The following ELK3 variants were observed in gnomAD, a reference collection of about 807,000 sequenced individuals.
The protein encoded by ELK3 is ETS transcription factor ELK3.
Under a neutral mutation model 28.9 loss-of-function variants are expected in ELK3, and 10 were observed. The observed-to-expected ratio is 0.35, with a 90% CI of 0.21 to 0.59. The LOEUF (loss-of-function observed/expected upper bound fraction) is 0.59, where lower values mean the gene tolerates loss of function less well. ELK3 is among the 20% of genes least tolerant of loss of function. ELK3 has a pLI of 0.82. For synonymous variants in ELK3, 272 were observed against 243.5 expected (o/e 1.12, Z -1.09); for missense variants, 463 against 517.3 (o/e 0.90, Z 1.02).
At chr12:96,214,882 C>T (rs556997056) in intron 1 of ELK3, among the ~76,000 whole-genome samples, 1 of 152,198 alleles carries the variant, frequency 6.6e-6, no homozygotes, top group African/African-American at 2.4e-5. Context: ...TGGCTACTAC[C>T]CTTTGTCTTA....
At chr12:96,258,757 C>T (rs1458732942) in intron 3 of ELK3, among the ~76,000 whole-genome samples, 2 of 152,166 alleles carry the variant, frequency 1.3e-5, no homozygotes, top group African/African-American at 4.8e-5. Context: ...TGTGTGTGTG[C>T]AAGAAATTCA....
intron 2 of ELK3, among the ~76,000 whole-genome samples, chr12:96,225,628 G>A (rs1309691395): frequency 6.6e-6 from 1 of 152,174 alleles, no homozygotes; most frequent in African/African-American, 2.4e-5. Flanking sequence ...AGAACGTGGA[G>A]GCTTGGATGA....
chr12:96,219,582 C>G (rs1356763949), intron 1 of ELK3, among the ~76,000 whole-genome samples: 1 of 152,164 alleles, frequency 6.6e-6, no homozygotes, highest in Non-Finnish European at 1.5e-5. Flanking sequence ...GCTGTGGCAG[C>G]TGGTGGCCCA....
rs756967097 is a variant in ELK3, at chr12:96,268,838, C to A, written c.*1658C>A. The A allele has an allele frequency of 2.0e-5, 3 of 152,126 alleles. No homozygotes were observed. The highest frequency in any genetic ancestry group is 4.4e-5 in the Non-Finnish European group (3 of 68,022). The allele number at this position is 152,126 out of a possible 1,614,324, so 9.4% of individuals were successfully genotyped here. On this transcript the variant is annotated 3_prime_UTR_variant, in exon 5 of 5. Coordinates refer to ENST00000228741, the MANE Select transcript of ELK3 (RefSeq NM_005230.4). The stretch of plus-strand genomic sequence containing the variant: ...TGTATGTGGGGATGTGGGCCCTTAT[C>A]AAGGGATAAAAATCCAAACACTCTA...
At chr12:96,256,903 C>A (rs1368870641) in intron 3 of ELK3, among the ~76,000 whole-genome samples, 1 of 152,010 alleles carries the variant, frequency 6.6e-6, no homozygotes, top group Non-Finnish European at 1.5e-5. Flanking sequence ...GATGTGCAGG[C>A]TTTTTAGGAG....
At chr12:96,211,487 TTGTGTGTGTGTG>T (rs201554119) in intron 1 of ELK3, among the ~76,000 whole-genome samples, 5 of 54,458 alleles carry the variant, frequency 9.2e-5, no homozygotes, top group African/African-American at 1.4e-4. Flanking sequence ...CATTGTGTGT[TTGTGTGTGTGTG>T]TGTGTGTGTG....
intron 1 of ELK3, among the ~76,000 whole-genome samples, chr12:96,195,098 G>A (rs1186371575): frequency 1.3e-5 from 2 of 152,120 alleles, no homozygotes; most frequent in Non-Finnish European, 2.9e-5. Context: ...GAGACTTCGG[G>A]TCCCTGGGAA....
intron 3 of ELK3, among the ~76,000 whole-genome samples, chr12:96,253,080 G>A (rs1045810894): frequency 5.4e-4 from 82 of 152,162 alleles, no homozygotes; most frequent in African/African-American, 1.9e-3. Flanking sequence ...GGCCAACATG[G>A]CAAAACCCCG....
rs906267751 is a variant in ELK3, at chr12:96,268,817, T to C, written c.*1637T>C. 6.6e-6 allele frequency: 1 copy of C among 152,224 alleles called. No homozygotes were observed. Among genetic ancestry groups the C allele is most frequent in the Non-Finnish European group, 1.5e-5 (1 of 68,034 alleles). The allele number at this position is 152,224 out of a possible 1,614,324, so 9.4% of individuals were successfully genotyped here. On this transcript the variant is annotated 3_prime_UTR_variant, in exon 5 of 5. Transcript: ENST00000228741. ...TCAATTGGAATTGAGCATCTCTGTA[T>C]GTGGGGATGTGGGCCCTTATCAAGG... is the stretch of plus-strand genomic sequence containing the variant.
chr12:96,259,925 G>A (rs991311095), intron 4 of ELK3, 72 bp downstream of exon 4: 1 of 1,490,196 alleles, frequency 6.7e-7, no homozygotes, highest in Non-Finnish European at 8.9e-7. Flanking sequence ...TCCTGCAGAG[G>A]TAACGGTGAG....
chr12:96,202,296 TC>T (rs962747264), intron 1 of ELK3, among the ~76,000 whole-genome samples: 2 of 152,198 alleles, frequency 1.3e-5, no homozygotes, highest in Non-Finnish European at 2.9e-5. Context: ...CCTCAGTTCC[TC>T]AAATGCTTAA....
intron 1 of ELK3, among the ~76,000 whole-genome samples, chr12:96,194,946 G>A (rs1403431079): frequency 6.7e-6 from 1 of 149,548 alleles, no homozygotes; most frequent in African/African-American, 2.4e-5. Flanking sequence ...GCTCGCGCCG[G>A]GCCCGGGGCT....
intron 1 of ELK3, among the ~76,000 whole-genome samples, chr12:96,204,235 T>C (rs546088403): frequency 6.6e-6 from 1 of 152,258 alleles, no homozygotes; most frequent in South Asian, 2.1e-4. Flanking sequence ...AAGACTTCAG[T>C]TGATCAGGTT....
chr12:96,230,957 G>T (rs1951736691), intron 2 of ELK3, among the ~76,000 whole-genome samples: 1 of 152,222 alleles, frequency 6.6e-6, no homozygotes, highest in African/African-American at 2.4e-5. Flanking sequence ...CCCATCCAGG[G>T]AGCGGCATGT....
intron 1 of ELK3, among the ~76,000 whole-genome samples, chr12:96,218,870 G>A (rs919959747): frequency 3.3e-5 from 5 of 152,028 alleles, no homozygotes; most frequent in Admixed American, 1.3e-4. Flanking sequence ...GGATGGTCTC[G>A]ATCTCCTGAC....
chr12:96,197,366 A>AT (rs564683494), intron 1 of ELK3, among the ~76,000 whole-genome samples: 9 of 152,038 alleles, frequency 5.9e-5, no homozygotes, highest in East Asian at 5.8e-4. Context: ...ACAAGAAAGA[A>AT]TTTTTTTTGC....
intron 1 of ELK3, 101 bp downstream of exon 1, chr12:96,194,806 C>CG (rs1423317019): frequency 1.4e-4 from 3 of 21,010 alleles, no homozygotes; most frequent in Non-Finnish European, 2.8e-4. Flanking sequence ...GGGGGTGGGG[C>CG]GGGGGGCGCC....
In ELK3 at chr12:96,267,837, GAA is replaced by G; in HGVS notation, c.*660_*661del. ...ATTTAGACAATAAACATTGATAAAA[GAA>G]AATGTTCTAAAGTACATTTTCAAAA... On this transcript the variant is annotated 3_prime_UTR_variant, in exon 5 of 5. Transcript: ENST00000228741. The G allele has an allele frequency of 5.3e-5, 1 of 18,912 alleles. No homozygotes were observed. Among genetic ancestry groups the G allele is most frequent in the South Asian group, 8.7e-4 (1 of 1,146 alleles). The allele number at this position is 18,912 out of a possible 1,614,324, so 1.2% of individuals were successfully genotyped here.
At chr12:96,226,794 TTAAAA>T (rs1377424557) in intron 2 of ELK3, among the ~76,000 whole-genome samples, 3 of 151,442 alleles carry the variant, frequency 2.0e-5, no homozygotes, top group African/African-American at 7.3e-5. Context: ...TTAATACAGT[TTAAAA>T]AGAAAAGAAG....
Sources: allele counts gnomAD v4.1 joint callset (sites outside exome capture counted in the v4.1 genomes callset), GRCh38; gene constraint gnomAD v4.1.1; transcripts MANE v1.5; gene names NCBI Gene and HGNC (gene_info 2026-07-23, HGNC 2026-07-21).